DNM3: variants seen among roughly 807,000 people sequenced by gnomAD.
DNM3 encodes the protein dynamin-3.
In DNM3, 47 loss-of-function variants were observed where a neutral mutation model predicts 101.6. The observed-to-expected ratio is 0.46, with a 90% CI of 0.37 to 0.59. The LOEUF (loss-of-function observed/expected upper bound fraction) is 0.59. Among genes scored for constraint, DNM3 ranks in the 20% least tolerant of loss-of-function variants. The pLI is 0.00. For missense variants in DNM3, 849 were observed against 1,085.7 expected, an observed-to-expected ratio of 0.78 and a Z score of 3.06; for synonymous variants, 385 against 387.9, an observed-to-expected ratio of 0.99 and a Z score of 0.09.
At chr1:172,002,195 G>A (rs1031302453) in intron 4 of DNM3, among the ~76,000 whole-genome samples, 7 of 151,838 alleles carry the variant, frequency 4.6e-5, no homozygotes, top group East Asian at 1.9e-4. Flanking sequence ...TGCATTGAGC[G>A]CCCAAATGCT....
intron 1 of DNM3, among the ~76,000 whole-genome samples, chr1:171,852,695 C>T (rs1350216418): frequency 3.3e-5 from 5 of 152,194 alleles, no homozygotes; most frequent in African/African-American, 9.7e-5. Flanking sequence ...GTGAATGTTA[C>T]AGGCAGATAG....
intron 14 of DNM3, among the ~76,000 whole-genome samples, chr1:172,152,121 G>A (rs1237199425): frequency 6.6e-6 from 1 of 151,990 alleles, no homozygotes; most frequent in Non-Finnish European, 1.5e-5. Flanking sequence ...TGGACTCATG[G>A]GATCTTCCCA....
At chr1:172,331,000 A>G (rs963678804) in intron 17 of DNM3, among the ~76,000 whole-genome samples, 4 of 152,076 alleles carry the variant, frequency 2.6e-5, no homozygotes, top group Non-Finnish European at 5.9e-5. Context: ...TGCCTGTGCA[A>G]ATATGTTATT....
chr1:172,038,250 A>C (rs2049110307), intron 6 of DNM3, 69 bp from the exon 7 acceptor site: 1 of 1,568,178 alleles, frequency 6.4e-7, no homozygotes, highest in African/African-American at 1.4e-5. Context: ...TCTTTGTCTC[A>C]TGAGTTAATC....
At chr1:171,901,112 C>CAAAAAAAAAAAAAAAAAAA (rs1243053508) in intron 1 of DNM3, among the ~76,000 whole-genome samples, 1 of 66,742 alleles carries the variant, frequency 1.5e-5, no homozygotes, top group Non-Finnish European at 2.7e-5. Flanking sequence ...GACTCTGTCT[C>CAAAAAAAAAAAAAAAAAAA]AAAAAAAAAA....
At chr1:172,005,597 C>T (rs112408312) in intron 4 of DNM3, among the ~76,000 whole-genome samples, 3,442 of 152,070 alleles carry the variant, frequency 0.023, 123 homozygotes, top group African/African-American at 0.076. Flanking sequence ...CCAGAGCCAC[C>T]CTTTCAAAAA....
chr1:172,192,220 G>A (rs1020161177), intron 14 of DNM3, among the ~76,000 whole-genome samples: 4 of 151,962 alleles, frequency 2.6e-5, no homozygotes, highest in Non-Finnish European at 4.4e-5. Flanking sequence ...GTTGAATTTC[G>A]TCAAAGGCCT....
At chr1:171,950,396 A>G (rs2042443848) in intron 2 of DNM3, among the ~76,000 whole-genome samples, 1 of 152,194 alleles carries the variant, frequency 6.6e-6, no homozygotes. Context: ...CCATGAGATC[A>G]TGAGGTAAAC....
intron 16 of DNM3, 36 bp downstream of exon 16, chr1:172,308,875 T>C (rs1266689045): frequency 8.1e-7 from 1 of 1,240,516 alleles, no homozygotes; most frequent in Non-Finnish European, 1.1e-6. Flanking sequence ...AAAATTATTA[T>C]TAGCTATGCT....
chr1:172,031,253 G>T (rs1349092202), intron 4 of DNM3, among the ~76,000 whole-genome samples: 1 of 152,130 alleles, frequency 6.6e-6, no homozygotes, highest in Non-Finnish European at 1.5e-5. Flanking sequence ...CCTTTGCAGG[G>T]ACATGAATGA....
At position 171,955,160 on chromosome 1, in the gene DNM3, T is replaced by C. The variant is rs149258142; in HGVS notation, c.236-32496T>C. On this transcript the variant is annotated intron_variant, in intron 2 of 20. Coordinates refer to ENST00000627582, the MANE Select transcript of DNM3 (RefSeq NM_015569.5). The stretch of plus-strand genomic sequence containing the variant: ...ATGAGTAAGTGAGTTGCTGGATAAG[T>C]GTTATCCCTTAGCCATAGAATAGTT... Among the ~76,000 whole-genome samples the C allele has an allele frequency of 5.1e-3, 771 of 152,318 alleles. 15 individuals carry two copies. Among genetic ancestry groups the C allele is most frequent in the African/African-American group, 0.017 (716 of 41,576 alleles).
chr1:172,220,009 A>T (rs1051517790), intron 14 of DNM3, among the ~76,000 whole-genome samples: 1 of 152,142 alleles, frequency 6.6e-6, no homozygotes, highest in African/African-American at 2.4e-5. Flanking sequence ...AGAGTAAGGG[A>T]AACATGGCTC....
chr1:171,969,703 G>T (rs1366374591), intron 2 of DNM3, among the ~76,000 whole-genome samples: 1 of 152,106 alleles, frequency 6.6e-6, no homozygotes, highest in Non-Finnish European at 1.5e-5. Context: ...GCAAGTGAAG[G>T]CCAGAGAGAG....
At position 172,409,317 on chromosome 1, in the gene DNM3, CT is replaced by C. The variant is rs2071084371; in HGVS notation, c.*1478del. On this transcript the variant is annotated 3_prime_UTR_variant, in exon 21 of 21. Coordinates refer to ENST00000627582, the MANE Select transcript of DNM3 (RefSeq NM_015569.5). ...GTAGCAAACATGATTTGTATGTTAA[CT>C]TAACTTTAATTTCCTGTGTAGTTTA... 1.0e-6 allele frequency: 1 copy of C among 985,152 alleles called. No individual in the cohort carries two copies. The highest frequency in any genetic ancestry group is 1.2e-6 in the Non-Finnish European group (1 of 829,822). 61.0% of individuals were successfully genotyped at this position (985,152 alleles called of 1,614,324 possible). A position where few individuals can be genotyped will look rare whatever the true frequency, so the allele number is the denominator to read the frequency against.
intron 4 of DNM3, among the ~76,000 whole-genome samples, chr1:172,031,398 C>T (rs1270476246): frequency 6.6e-6 from 1 of 152,004 alleles, no homozygotes; most frequent in Non-Finnish European, 1.5e-5. Context: ...TGGGGCCAGT[C>T]AGGATGTTGG....
intron 2 of DNM3, among the ~76,000 whole-genome samples, chr1:171,944,785 G>C (rs1039162709): frequency 3.3e-5 from 5 of 149,636 alleles, no homozygotes; most frequent in African/African-American, 1.2e-4. Context: ...GTACAATATT[G>C]GAAATAAGTT....
intron 1 of DNM3, among the ~76,000 whole-genome samples, chr1:171,873,148 G>A (rs2035450441): frequency 6.6e-6 from 1 of 152,138 alleles, no homozygotes. Context: ...CTTGAAGGGA[G>A]CTTCACTAGC....
chr1:172,103,457 A>G (rs2054794568), intron 13 of DNM3, among the ~76,000 whole-genome samples: 1 of 152,226 alleles, frequency 6.6e-6, no homozygotes, highest in African/African-American at 2.4e-5. Flanking sequence ...ACATAAAATG[A>G]CAAAACTTCT....
intron 17 of DNM3, among the ~76,000 whole-genome samples, chr1:172,358,453 G>A (rs966884799): frequency 5.9e-5 from 9 of 152,132 alleles, no homozygotes; most frequent in Admixed American, 2.6e-4. Flanking sequence ...ACTCAGAGAT[G>A]AGCTGTTGTT....
Sources: gnomAD v4.1 joint callset for allele counts (sites outside exome capture counted in the v4.1 genomes callset) on GRCh38, gnomAD v4.1.1 for gene constraint, MANE v1.5 for transcripts, NCBI Gene and HGNC (gene_info 2026-07-23, HGNC 2026-07-21) for gene names.